The following ZFAT variants were observed in gnomAD, a reference collection of about 807,000 sequenced individuals.
The protein encoded by ZFAT is zinc finger protein ZFAT.
A neutral mutation model predicts 117.7 loss-of-function variants in ZFAT; 64 were observed. That is an observed-to-expected ratio of 0.54 (90% CI 0.44 to 0.67). The LOEUF (loss-of-function observed/expected upper bound fraction) is 0.67, where lower values mean the gene tolerates loss of function less well. ZFAT is among the 30% of genes least tolerant of loss of function. The pLI is 0.00. For missense variants in ZFAT, 1,433 were observed against 1,584.5 expected (o/e 0.90, Z 1.62); for synonymous variants, 679 against 615.0 (o/e 1.10, Z -1.54).
At chr8:134,661,467 C>G (rs1831926480) in intron 1 of ZFAT, among the ~76,000 whole-genome samples, 1 of 152,204 alleles carries the variant, frequency 6.6e-6, no homozygotes, top group African/African-American at 2.4e-5. Flanking sequence ...GTGTCCACAC[C>G]CTGGATTCTG....
At chr8:134,649,613 C>T (rs189194219) in intron 2 of ZFAT, among the ~76,000 whole-genome samples, 656 of 151,916 alleles carry the variant, frequency 4.3e-3, no homozygotes, top group Non-Finnish European at 6.8e-3. Context: ...ACAGTAGCAT[C>T]GAAAAGAATA....
chr8:134,543,552 G>C (rs1822445218), intron 11 of ZFAT, among the ~76,000 whole-genome samples: 1 of 152,240 alleles, frequency 6.6e-6, no homozygotes, highest in African/African-American at 2.4e-5. Context: ...TCTTGCAACT[G>C]TTGTATGCAG....
chr8:134,709,409 C>G (rs191729507), intron 1 of ZFAT, among the ~76,000 whole-genome samples: 1 of 152,210 alleles, frequency 6.6e-6, no homozygotes, highest in Non-Finnish European at 1.5e-5. Context: ...TGTGACTTCC[C>G]TTAGGTCAGG....
At chr8:134,504,153 T>C (rs1819213638) in intron 15 of ZFAT, among the ~76,000 whole-genome samples, 1 of 152,112 alleles carries the variant, frequency 6.6e-6, no homozygotes, top group Non-Finnish European at 1.5e-5. Flanking sequence ...GCCATTCGTA[T>C]GTGCACATGG....
intron 13 of ZFAT, among the ~76,000 whole-genome samples, chr8:134,520,223 G>C (rs1197778907): frequency 6.6e-6 from 1 of 152,180 alleles, no homozygotes; most frequent in Non-Finnish European, 1.5e-5. Flanking sequence ...AGTGGGAAGA[G>C]GCCAGAAATG....
chr8:134,802,114 T>A, the ZFAT span, among the ~76,000 whole-genome samples: 1 of 152,176 alleles, frequency 6.6e-6, no homozygotes, highest in African/African-American at 2.4e-5. Flanking sequence ...CAGCAGTGAA[T>A]GTCAAATTAC....
the ZFAT span, among the ~76,000 whole-genome samples, chr8:134,721,061 C>T: frequency 6.6e-6 from 1 of 152,218 alleles, no homozygotes; most frequent in Admixed American, 6.5e-5. Flanking sequence ...CCCGGCCTTT[C>T]TGCTGTGGCT....
Position 134,667,510 on chromosome 8 carries a change from AAAC to A in ZFAT, c.20-9776_20-9774del, listed in dbSNP as rs202154645. ...TAAGTCTCAAAAAAAAAAAAAAAAA[AAAC>A]ATAGATGACAGGTTGATAGGTGCAG... is the stretch of plus-strand genomic sequence containing the variant. On this transcript the variant is annotated intron_variant, in intron 1 of 15. Transcript: ENST00000377838. Among the ~76,000 whole-genome samples, 152 of 135,858 alleles carry A rather than the reference AAAC, an allele frequency of 1.1e-3. 5 individuals carry two copies. Among genetic ancestry groups the A allele is most frequent in the South Asian group, 7.9e-3 (30 of 3,814 alleles). 89.1% of individuals were successfully genotyped at this position (135,858 alleles called of 152,430 possible). A position where few individuals can be genotyped will look rare whatever the true frequency, so the allele number is the denominator to read the frequency against.
At chr8:134,507,574 C>T (rs918373141) in intron 15 of ZFAT, among the ~76,000 whole-genome samples, 20 of 152,208 alleles carry the variant, frequency 1.3e-4, no homozygotes, top group Non-Finnish European at 1.9e-4. Flanking sequence ...TTTCTCCTCC[C>T]GCAAACACAT....
chr8:134,686,212 C>T (rs1389377491), intron 1 of ZFAT, among the ~76,000 whole-genome samples: 2 of 152,176 alleles, frequency 1.3e-5, no homozygotes, highest in Admixed American at 6.5e-5. Flanking sequence ...GGGGCTTTCC[C>T]GTGTATGCCC....
Position 134,602,459 on chromosome 8 carries a change from G to A in ZFAT, c.1260C>T (p.Asp420=), listed in dbSNP as rs1197538866. The part of the protein sequence containing the change: ...ERKFKNELDR[D]RHMLVHGDKW... ...TGTCTCCGTGGACCAGCATATGGCG[G>A]TCACGGTCCAGCTCGTTCTTGAACT... Residue 420 remains aspartate, a synonymous_variant, in exon 6 of 16, where the codon GAC becomes GAT. Coordinates refer to ENST00000377838, the MANE Select transcript of ZFAT (RefSeq NM_020863.4). The A allele has an allele frequency of 6.2e-7, 1 of 1,613,916 alleles. No homozygotes were observed.
At chr8:134,618,741 C>T (rs79812169) in intron 3 of ZFAT, among the ~76,000 whole-genome samples, 1 of 152,144 alleles carries the variant, frequency 6.6e-6, no homozygotes, top group African/African-American at 2.4e-5. Context: ...ATCATTTCTG[C>T]ACAAAAGAAA....
At chr8:134,583,689 G>A in intron 10 of ZFAT, 143 bp downstream of exon 10, 2 of 980,198 alleles carry the variant, frequency 2.0e-6, no homozygotes, top group Non-Finnish European at 3.0e-6. Flanking sequence ...AGTCAGGCCT[G>A]GTCTTCACCG....
At chr8:134,507,224 T>G (rs375797475) in intron 15 of ZFAT, among the ~76,000 whole-genome samples, 1 of 152,212 alleles carries the variant, frequency 6.6e-6, no homozygotes, top group Non-Finnish European at 1.5e-5. Flanking sequence ...TTGAAACCAA[T>G]TTTTCTAATA....
intron 11 of ZFAT, among the ~76,000 whole-genome samples, chr8:134,549,773 T>C (rs1165634999): frequency 6.6e-6 from 1 of 152,200 alleles, no homozygotes; most frequent in African/African-American, 2.4e-5. Context: ...GTGAACCACA[T>C]GTACACAGGA....
At chr8:134,672,129 T>G (rs564358044) in intron 1 of ZFAT, among the ~76,000 whole-genome samples, 12 of 152,342 alleles carry the variant, frequency 7.9e-5, no homozygotes, top group African/African-American at 2.6e-4. Flanking sequence ...GGAAGAACAT[T>G]CCATGTTCAT....
At chr8:134,527,594 T>C (rs957520896) in intron 12 of ZFAT, among the ~76,000 whole-genome samples, 1 of 152,118 alleles carries the variant, frequency 6.6e-6, no homozygotes, top group Admixed American at 6.5e-5. Flanking sequence ...TGCTTAAGGG[T>C]AGAAATTAAC....
At chr8:134,679,735 C>T (rs897752744) in intron 1 of ZFAT, among the ~76,000 whole-genome samples, 4 of 152,184 alleles carry the variant, frequency 2.6e-5, no homozygotes, top group African/African-American at 7.2e-5. Context: ...GGCACATATA[C>T]ACCATGGAAT....
intron 2 of ZFAT, among the ~76,000 whole-genome samples, chr8:134,654,793 G>A (rs1003171868): frequency 6.6e-6 from 1 of 152,192 alleles, no homozygotes; most frequent in African/African-American, 2.4e-5. Flanking sequence ...CCTGTGTCAG[G>A]CCCCATGCCA....
Sources: gnomAD v4.1 joint callset for allele counts (sites outside exome capture counted in the v4.1 genomes callset) on GRCh38, gnomAD v4.1.1 for gene constraint, MANE v1.5 for transcripts, NCBI Gene and HGNC (gene_info 2026-07-23, HGNC 2026-07-21) for gene names.